Variants in CSE1L observed in about 807,000 individuals in gnomAD.
The protein encoded by CSE1L is chromosome segregation 1 like, also known as exportin-2.
Under a neutral mutation model 120.4 loss-of-function variants are expected in CSE1L, and 24 were observed. The ratio of observed to expected loss-of-function variants is 0.20; its 90% CI spans 0.14 to 0.28. The LOEUF is 0.28. CSE1L is among the 10% of genes least tolerant of loss of function. CSE1L has a pLI of 1.00. For synonymous variants in CSE1L, 402 were observed against 398.3 expected, an observed-to-expected ratio of 1.01 and a Z score of -0.11; for missense variants, 830 against 1,145.2, an observed-to-expected ratio of 0.72 and a Z score of 3.97.
At chr20:49,090,884 A>G (rs1226910690) in intron 20 of CSE1L, 45 bp downstream of exon 20, 5 of 1,598,826 alleles carry the variant, frequency 3.1e-6, no homozygotes, top group Non-Finnish European at 3.4e-6. Context: ...AAATTTTGTT[A>G]GGTGCTCAGA....
intron 1 of CSE1L, among the ~76,000 whole-genome samples, chr20:49,055,746 T>G (rs1770841698): frequency 1.3e-5 from 2 of 152,138 alleles, no homozygotes; most frequent in African/African-American, 4.8e-5. Flanking sequence ...TTTAAATTCC[T>G]TACTGTAAAT....
At chr20:49,079,651 C>A (rs1371861317) in intron 14 of CSE1L, among the ~76,000 whole-genome samples, 3 of 152,070 alleles carry the variant, frequency 2.0e-5, no homozygotes, top group African/African-American at 7.2e-5. Context: ...GGTTCCAGGA[C>A]GCCTGAATAT....
Position 49,087,931 on chromosome 20 carries a change from C to CT in CSE1L, c.1724-72dup, listed in dbSNP as rs921213556. ...AAAATTTAGTTGATGAATTAGTGCG[C>CT]TTTTTTCCCCCCAGTCGCTCTCTTA... On this transcript the variant is annotated intron_variant, in intron 16 of 24. Transcript: ENST00000262982. The CT allele has an allele frequency of 4.2e-4, 392 of 943,798 alleles. 3 individuals are homozygous for CT. The highest frequency in any genetic ancestry group is 5.6e-4 in the Non-Finnish European group (351 of 625,148). 58.5% of individuals were successfully genotyped at this position (943,798 alleles called of 1,614,324 possible).
At chr20:49,077,505 C>T (rs890453036) in intron 13 of CSE1L, among the ~76,000 whole-genome samples, 2 of 152,078 alleles carry the variant, frequency 1.3e-5, no homozygotes, top group Non-Finnish European at 2.9e-5. Context: ...TTCCCCAGAT[C>T]TTGTCCATGT....
In CSE1L at chr20:49,066,383, A is replaced by G. The variant is rs745440251; in HGVS notation, c.349A>G (p.Ile117Val). The G allele has an allele frequency of 2.5e-6, 4 of 1,614,080 alleles. No homozygotes were observed. Among genetic ancestry groups the G allele is most frequent in the Non-Finnish European group, 3.4e-6 (4 of 1,180,042 alleles). Residue 117 changes from isoleucine to valine, a missense_variant, in exon 5 of 25, where the codon ATT becomes GTT. Ile to Val is a conservative substitution (Grantham distance 29). Transcript: ENST00000262982. ...CTCCTAGTTAAGTGATGCAATTAGC[A>G]TTATTGGCAGAGAAGATTTTCCACA... ...IQKQLSDAIS[I>V]IGREDFPQKW...
intron 7 of CSE1L, 69 bp downstream of exon 7, chr20:49,068,891 G>A: frequency 9.2e-7 from 1 of 1,081,192 alleles, no homozygotes; most frequent in Non-Finnish European, 1.4e-6. Context: ...CTTTCTGTTT[G>A]ATAAAGACTT....
intron 21 of CSE1L, among the ~76,000 whole-genome samples, chr20:49,091,646 C>G (rs2092101983): frequency 1.3e-5 from 2 of 152,074 alleles, no homozygotes; most frequent in African/African-American, 4.8e-5. Flanking sequence ...TCACTTGACC[C>G]TGGGAAGTTA....
intron 20 of CSE1L, 22 bp from the exon 21 acceptor site, chr20:49,090,915 T>G: frequency 1.3e-6 from 2 of 1,596,822 alleles, no homozygotes; most frequent in Non-Finnish European, 1.7e-6. Flanking sequence ...ATTTATATTG[T>G]TGATTTTTTT....
At chr20:49,078,684 C>G in intron 14 of CSE1L, 62 bp downstream of exon 14, 1 of 1,056,938 alleles carries the variant, frequency 9.5e-7, no homozygotes, top group South Asian at 1.6e-5. Flanking sequence ...TTATGTACCA[C>G]CTTCTCATCT....
intron 10 of CSE1L, among the ~76,000 whole-genome samples, chr20:49,073,155 G>A (rs918459466): frequency 6.6e-6 from 1 of 151,798 alleles, no homozygotes; most frequent in Non-Finnish European, 1.5e-5. Context: ...GGGACCACAG[G>A]CACACATCAC....
At chr20:49,081,961 G>A (rs879574870) in intron 14 of CSE1L, among the ~76,000 whole-genome samples, 1 of 152,288 alleles carries the variant, frequency 6.6e-6, no homozygotes, top group Non-Finnish European at 1.5e-5. Context: ...TCCCTGCCCA[G>A]TCAGTCCCTT....
chr20:49,059,429 G>A (rs537752970), intron 2 of CSE1L, among the ~76,000 whole-genome samples: 1 of 152,242 alleles, frequency 6.6e-6, no homozygotes, highest in South Asian at 2.1e-4. Flanking sequence ...GGTAATATCA[G>A]GAGAATACAT....
At chr20:49,086,685 A>C (rs2092060906) in intron 16 of CSE1L, among the ~76,000 whole-genome samples, 1 of 152,034 alleles carries the variant, frequency 6.6e-6, no homozygotes, top group Non-Finnish European at 1.5e-5. Context: ...TTTCTATGAG[A>C]GCGGCTAACT....
chr20:49,067,532 C>G (rs2123696666), intron 6 of CSE1L, among the ~76,000 whole-genome samples: 1 of 152,024 alleles, frequency 6.6e-6, no homozygotes, highest in East Asian at 1.9e-4. Context: ...AAAGCAAATC[C>G]CAAGCATCAT....
In CSE1L at chr20:49,057,984, G is replaced by T. The variant is rs540279250; in HGVS notation, c.-11-469G>T. Among the ~76,000 whole-genome samples, 3 of 151,862 alleles carry T rather than the reference G, an allele frequency of 2.0e-5. No individual in the cohort carries two copies. The South Asian group carries it at 6.2e-4, about 32-fold the overall frequency. On this transcript the variant is annotated intron_variant, in intron 1 of 24. Coordinates refer to ENST00000262982, the MANE Select transcript of CSE1L (RefSeq NM_001316.4). The stretch of plus-strand genomic sequence containing the variant: ...TGGGGTCTCACCCTGTTGACAGGCT[G>T]GTCTCTTAACTCCTGAGCTCAAGCA...
intron 1 of CSE1L, among the ~76,000 whole-genome samples, chr20:49,049,803 C>T (rs552751771): frequency 8.0e-4 from 122 of 152,150 alleles, no homozygotes; most frequent in Non-Finnish European, 1.4e-3. Flanking sequence ...CCAAGGTGGG[C>T]GGATCACTTG....
intron 10 of CSE1L, among the ~76,000 whole-genome samples, chr20:49,074,324 A>C (rs1207745443): frequency 2.7e-5 from 4 of 150,888 alleles, no homozygotes; most frequent in Admixed American, 6.6e-5. Flanking sequence ...CTCCCATTTC[A>C]GCCTCCCAAA....
intron 6 of CSE1L, 43 bp from the exon 7 acceptor site, chr20:49,068,672 G>A (rs909870416): frequency 3.9e-6 from 5 of 1,272,112 alleles, no homozygotes; most frequent in Non-Finnish European, 5.8e-6. Flanking sequence ...AGCATGCTGG[G>A]TTTATGATGC....
intron 12 of CSE1L, among the ~76,000 whole-genome samples, chr20:49,075,912 A>T (rs1343648399): frequency 6.6e-6 from 1 of 151,808 alleles, no homozygotes; most frequent in Non-Finnish European, 1.5e-5. Flanking sequence ...GCTCACTGCA[A>T]CCTCCACCTC....
Sources: allele counts gnomAD v4.1 joint callset (sites outside exome capture counted in the v4.1 genomes callset), GRCh38; gene constraint gnomAD v4.1.1; transcripts MANE v1.5; gene names NCBI Gene and HGNC (gene_info 2026-07-23, HGNC 2026-07-21).